Variants in CAMK2G observed in about 807,000 individuals in gnomAD.
CAMK2G encodes calcium/calmodulin-dependent protein kinase type II subunit gamma.
CAMK2G carries 23 observed loss-of-function variants against 88.7 expected under a neutral mutation model. That is an observed-to-expected ratio of 0.26 (90% CI 0.19 to 0.37). The LOEUF is 0.37. CAMK2G is among the 10% of genes least tolerant of loss of function. CAMK2G has a pLI of 1.00. For synonymous variants in CAMK2G, 263 were observed against 294.8 expected (o/e 0.89, Z 1.11); for missense variants, 476 against 780.8 (o/e 0.61, Z 4.65).
At chr10:73,869,815 T>C (rs1039863870) in intron 2 of CAMK2G, among the ~76,000 whole-genome samples, 1 of 152,260 alleles carries the variant, frequency 6.6e-6, no homozygotes, top group South Asian at 2.1e-4. Flanking sequence ...AAACACTGTT[T>C]CCGGTAGCAT....
chr10:73,842,154 G>C lies in CAMK2G; in HGVS notation c.946+15C>G. 6.2e-7 allele frequency: 1 copy of C among 1,606,114 alleles called. No homozygotes were observed. On this transcript the variant is annotated intron_variant, in intron 12 of 22. Coordinates refer to ENST00000423381, the MANE Select transcript of CAMK2G (RefSeq NM_001367534.1). This position sits in a 1 kb window ranked among gnomAD's most constrained non-coding sequence, Gnocchi z 4.6. Reference sequence around the variant, plus strand: ...CACCTCGGCATAATCAAAGTACACAGCTGGGAAAACATACCTGAGAAGTTC... The same window carrying C: ...CACCTCGGCATAATCAAAGTACACACCTGGGAAAACATACCTGAGAAGTTC...
chr10:73,869,424 C>T (rs1365526843), intron 2 of CAMK2G, among the ~76,000 whole-genome samples: 1 of 152,220 alleles, frequency 6.6e-6, no homozygotes, highest in African/African-American at 2.4e-5. Flanking sequence ...TCTTTATCCT[C>T]ATCTGTCCTC....
chr10:73,846,381 G>T (rs2094242825), intron 10 of CAMK2G: 1 of 152,210 alleles, frequency 6.6e-6, no homozygotes, highest in Non-Finnish European at 1.5e-5. Context: ...AAGCACAGGG[G>T]TGTCACCTCC....
chr10:73,848,975 G>T lies in CAMK2G; in HGVS notation c.517+38C>A. On this transcript the variant is annotated intron_variant, in intron 7 of 22. Transcript: ENST00000423381. The surrounding 1 kb of genome is among the most constrained non-coding windows in gnomAD (Gnocchi z 4.5). ...AGGCAGATCAGGAAGAGGAGGAAGGGCGGGGGCTGCATTCCGGGAAGACAG... is the reference window on the plus strand; with the variant it reads ...AGGCAGATCAGGAAGAGGAGGAAGGTCGGGGGCTGCATTCCGGGAAGACAG... 7.9e-7 allele frequency: 1 copy of T among 1,261,772 alleles called. No individual in the cohort carries two copies. Among genetic ancestry groups the T allele is most frequent in the Non-Finnish European group, 1.2e-6 (1 of 858,232 alleles). 78.2% of individuals were successfully genotyped at this position (1,261,772 alleles called of 1,614,324 possible). A position where few individuals can be genotyped will look rare whatever the true frequency, so the allele number is the denominator to read the frequency against.
chr10:73,816,851 G>A, intron 21 of CAMK2G, 172 bp downstream of exon 21: 4 of 1,587,910 alleles, frequency 2.5e-6, no homozygotes, highest in Non-Finnish European at 3.4e-6. Flanking sequence ...GGCCTTCAAA[G>A]GTGCCTGTCT....
At chr10:73,866,310 C>G (rs2095590485) in intron 2 of CAMK2G, among the ~76,000 whole-genome samples, 1 of 152,148 alleles carries the variant, frequency 6.6e-6, no homozygotes, top group African/African-American at 2.4e-5. Context: ...GTGCACCAAG[C>G]CTGCCCCTGA....
At chr10:73,864,240 T>C (rs1371537540) in intron 2 of CAMK2G, among the ~76,000 whole-genome samples, 5 of 151,420 alleles carry the variant, frequency 3.3e-5, no homozygotes, top group Admixed American at 3.3e-4. Context: ...AGGTGGAGGC[T>C]GCAGTGAGCC....
intron 21 of CAMK2G, chr10:73,815,959 T>C (rs2085321534): frequency 3.7e-5 from 36 of 985,412 alleles, no homozygotes; most frequent in Non-Finnish European, 4.3e-5. Context: ...CTAGTACTAA[T>C]ATAAACTCTG....
intron 14 of CAMK2G, among the ~76,000 whole-genome samples, chr10:73,832,149 A>T (rs910195712): frequency 2.6e-5 from 4 of 152,178 alleles, no homozygotes; most frequent in African/African-American, 9.7e-5. Flanking sequence ...AAAAATGTGT[A>T]AGAAAAAAAG....
At position 73,815,145 on chromosome 10, in the gene CAMK2G, T is replaced by C. The variant is rs2084987190; in HGVS notation, c.1637A>G (p.Gln546Arg). 2 of 1,614,106 alleles carry C rather than the reference T, an allele frequency of 1.2e-6. No homozygotes were observed. Among genetic ancestry groups the C allele is most frequent in the South Asian group, 1.1e-5 (1 of 91,094 alleles). Reference sequence around the variant, plus strand: ...AGGCCGACCCTGCCCGTCGATGTACTGGGTGAGGCGGATGTAGGCGATGCA... The same window carrying C: ...AGGCCGACCCTGCCCGTCGATGTACCGGGTGAGGCGGATGTAGGCGATGCA... The part of the protein sequence containing the change: ...AACIAYIRLT[Q>R]YIDGQGRPRT... The change falls in exon 22 of 23, where the codon CAG becomes CGG. Residue 546 changes from glutamine to arginine, a missense_variant. Around this residue, in one of 3 missense-constraint regions of CAMK2G, gnomAD observed 278 missense variants for 366.5 expected, o/e 0.76. Transcript: ENST00000423381.
intron 15 of CAMK2G, among the ~76,000 whole-genome samples, chr10:73,825,671 C>T (rs1286319597): frequency 1.3e-5 from 2 of 152,220 alleles, no homozygotes; most frequent in Non-Finnish European, 2.9e-5. Flanking sequence ...TCAAGATCTT[C>T]TTCCCACTGT....
intron 5 of CAMK2G, among the ~76,000 whole-genome samples, chr10:73,849,566 C>T (rs565557886): frequency 2.6e-5 from 4 of 152,190 alleles, no homozygotes; most frequent in East Asian, 1.9e-4. Context: ...ACCGCTAGAA[C>T]GGGTTCCTCT....
intron 4 of CAMK2G, 56 bp downstream of exon 4, chr10:73,853,136 T>G: frequency 3.9e-6 from 6 of 1,531,444 alleles, no homozygotes; most frequent in Non-Finnish European, 5.4e-6. Flanking sequence ...TCCTGAGCCT[T>G]CATTTTGAGT....
In CAMK2G at chr10:73,863,715, A is replaced by G. The variant is rs11000795; in HGVS notation, c.161-2826T>C. Among the ~76,000 whole-genome samples, 1,187 of 152,328 alleles carry G rather than the reference A, an allele frequency of 7.8e-3. 35 individuals are homozygous for G. The highest frequency in any genetic ancestry group is 0.066 in the East Asian group (344 of 5,190). ...TCCCACAACAGCAACAGCACTAAAA[A>G]TAAGGGCACTCTGCTTTACCAGTGA... On this transcript the variant is annotated intron_variant, in intron 2 of 22. Coordinates refer to ENST00000423381, the MANE Select transcript of CAMK2G (RefSeq NM_001367534.1).
intron 13 of CAMK2G, among the ~76,000 whole-genome samples, chr10:73,838,603 C>T (rs901925361): frequency 2.6e-5 from 4 of 152,202 alleles, no homozygotes; most frequent in Non-Finnish European, 2.9e-5. Flanking sequence ...AAGCTGTGTT[C>T]CATCTCTCTC....
intron 15 of CAMK2G, among the ~76,000 whole-genome samples, chr10:73,827,580 G>A (rs1199677344): frequency 6.6e-6 from 1 of 152,224 alleles, no homozygotes; most frequent in African/African-American, 2.4e-5. Context: ...TGTCCCCCGA[G>A]GGCTGGGTGG....
At chr10:73,825,970 C>T (rs567901021) in intron 15 of CAMK2G, among the ~76,000 whole-genome samples, 1 of 152,180 alleles carries the variant, frequency 6.6e-6, no homozygotes, top group African/African-American at 2.4e-5. Flanking sequence ...TCTGACAAAT[C>T]TTAGGCCTGA....
At chr10:73,850,704 G>A (rs1244188473) in intron 5 of CAMK2G, among the ~76,000 whole-genome samples, 1 of 152,204 alleles carries the variant, frequency 6.6e-6, no homozygotes, top group African/African-American at 2.4e-5. Context: ...GGGCTGGGTG[G>A]CCTGGACTTA....
chr10:73,827,938 C>T, intron 15 of CAMK2G, 151 bp downstream of exon 15: 1 of 743,570 alleles, frequency 1.3e-6, no homozygotes, highest in Admixed American at 1.9e-5. Flanking sequence ...GCAATGGCCC[C>T]CGCCTGGCAG....
Sources: gnomAD v4.1 joint callset for allele counts (sites outside exome capture counted in the v4.1 genomes callset) on GRCh38, gnomAD v4.1.1 for gene constraint, gnomAD v4.1.1 regional missense constraint, Gnocchi (gnomAD v3.1) non-coding constraint, MANE v1.5 for transcripts, NCBI Gene and HGNC (gene_info 2026-07-23, HGNC 2026-07-21) for gene names.